The following PHYHIPL variants were observed in gnomAD, a reference collection of about 807,000 sequenced individuals.
PHYHIPL encodes the protein phytanoyl-CoA hydroxylase-interacting protein-like.
Under a neutral mutation model 33.4 loss-of-function variants are expected in PHYHIPL, and 9 were observed. That is an observed-to-expected ratio of 0.27 (90% CI 0.16 to 0.47). The LOEUF (loss-of-function observed/expected upper bound fraction) is 0.47, where lower values mean the gene tolerates loss of function less well. Ranked by LOEUF, PHYHIPL falls within the 20% of genes least tolerant of loss-of-function variation. PHYHIPL has a pLI of 0.99. For synonymous variants in PHYHIPL, 153 were observed against 154.1 expected (o/e 0.99, Z 0.05); for missense variants, 365 against 460.7 (o/e 0.79, Z 1.90).
At chr10:59,240,296 G>A (rs1487837372) in intron 4 of PHYHIPL, among the ~76,000 whole-genome samples, 2 of 152,114 alleles carry the variant, frequency 1.3e-5, no homozygotes, top group South Asian at 2.1e-4. Flanking sequence ...AGCAAGGAAG[G>A]TGTTTCTTTA....
intron 1 of PHYHIPL, among the ~76,000 whole-genome samples, chr10:59,187,564 G>C (rs1337949627): frequency 6.6e-6 from 1 of 152,166 alleles, no homozygotes; most frequent in Non-Finnish European, 1.5e-5. Context: ...TTGTACCTCT[G>C]GTAGAATTTG....
chr10:59,187,427 T>C (rs1838642085), intron 1 of PHYHIPL, among the ~76,000 whole-genome samples: 2 of 152,142 alleles, frequency 1.3e-5, no homozygotes, highest in South Asian at 2.1e-4. Flanking sequence ...TAAAATTCTC[T>C]TTTTTTGTTG....
chr10:59,197,861 T>C (rs1838963241), intron 1 of PHYHIPL, among the ~76,000 whole-genome samples: 1 of 152,184 alleles, frequency 6.6e-6, no homozygotes, highest in East Asian at 1.9e-4. Flanking sequence ...TTTATATTCA[T>C]TACTTTTTAT....
intron 1 of PHYHIPL, among the ~76,000 whole-genome samples, chr10:59,182,244 G>C (rs192198277): frequency 6.6e-6 from 1 of 152,090 alleles, no homozygotes; most frequent in Admixed American, 6.6e-5. Context: ...TTCCATTTCT[G>C]TTATATTGCT....
chr10:59,181,959 A>G (rs1838423212), intron 1 of PHYHIPL, among the ~76,000 whole-genome samples: 1 of 152,198 alleles, frequency 6.6e-6, no homozygotes, highest in Non-Finnish European at 1.5e-5. Flanking sequence ...TCTCTATAGA[A>G]TGCTATTTAG....
intron 1 of PHYHIPL, among the ~76,000 whole-genome samples, chr10:59,192,445 A>ATGTTGG (rs1243819026): frequency 6.6e-6 from 1 of 151,952 alleles, no homozygotes; most frequent in East Asian, 1.9e-4. Flanking sequence ...TTTCTAGGGG[A>ATGTTGG]TGTTGGTGTT....
chr10:59,238,772 C>A, intron 4 of PHYHIPL, 67 bp downstream of exon 4: 1 of 982,570 alleles, frequency 1.0e-6, no homozygotes, highest in Non-Finnish European at 1.5e-6. Flanking sequence ...GCTCAGGTTT[C>A]CCTTGACTCT....
At chr10:59,233,472 G>A (rs992802146) in intron 1 of PHYHIPL, among the ~76,000 whole-genome samples, 2 of 151,324 alleles carry the variant, frequency 1.3e-5, no homozygotes, top group African/African-American at 4.8e-5. Flanking sequence ...ATGTTGGCCT[G>A]GGGAAAGGGA....
Position 59,245,687 on chromosome 10 carries a change from G to T in PHYHIPL, c.*96G>T, listed in dbSNP as rs943177588. 7.7e-7 allele frequency: 1 copy of T among 1,298,858 alleles called. No homozygotes were observed. 80.5% of individuals were successfully genotyped at this position (1,298,858 alleles called of 1,614,324 possible). On this transcript the variant is annotated 3_prime_UTR_variant, in exon 5 of 5. Coordinates refer to ENST00000373880, the MANE Select transcript of PHYHIPL (RefSeq NM_032439.4). ...TTATCACCAGATGTTTTCCACTGAA[G>T]CATGCACATGCCACTGTCACCAAAA...
At chr10:59,198,385 A>T (rs190351356) in intron 1 of PHYHIPL, among the ~76,000 whole-genome samples, 1 of 152,080 alleles carries the variant, frequency 6.6e-6, no homozygotes, top group African/African-American at 2.4e-5. Context: ...ACATGAACTC[A>T]TCATTTTTTA....
chr10:59,188,525 A>C (rs7099149), intron 1 of PHYHIPL, among the ~76,000 whole-genome samples: 1 of 151,988 alleles, frequency 6.6e-6, no homozygotes, highest in African/African-American at 2.4e-5. Context: ...TATCCTTGTT[A>C]ACTTTCTGTC....
chr10:59,246,498 A>AT lies in PHYHIPL; in HGVS notation c.*908dup, dbSNP rs1840721319. 2.6e-6 allele frequency: 1 copy of AT among 389,454 alleles called. No individual in the cohort carries two copies. The highest frequency in any genetic ancestry group is 4.5e-6 in the Non-Finnish European group (1 of 220,202). 24.1% of individuals were successfully genotyped at this position (389,454 alleles called of 1,614,324 possible). A position where few individuals can be genotyped will look rare whatever the true frequency, so the allele number is the denominator to read the frequency against. On this transcript the variant is annotated 3_prime_UTR_variant, in exon 5 of 5. Transcript: ENST00000373880. Reference sequence around the variant, plus strand: ...TACTTAAACATTACAGAAAATAGAAATACAAACAAGGTTGGTACATGAGAG... The same window carrying AT: ...TACTTAAACATTACAGAAAATAGAAATTACAAACAAGGTTGGTACATGAGAG...
intron 1 of PHYHIPL, among the ~76,000 whole-genome samples, chr10:59,233,428 CA>C (rs1278870870): frequency 2.0e-5 from 3 of 151,638 alleles, no homozygotes; most frequent in Admixed American, 6.6e-5. Flanking sequence ...ATTTGAATAA[CA>C]TTTTTTTTTT....
In PHYHIPL at chr10:59,245,060, A is replaced by C; in HGVS notation, c.600A>C (p.Glu200Asp). ...GACCACTTGTTTTCTCTTGCAGAGA[A>C]CATCATGGGAATGCTATGCAGCCAT... ...QHKEYFDYVR[E>D]HHGNAMQPSV... The change falls in exon 5 of 5, where the codon GAA (glutamate) becomes GAC (aspartate). Residue 200 changes from glutamate to aspartate, a missense_variant. This residue lies in a region of PHYHIPL where 196 missense variants were observed against 224.9 expected (regional missense o/e 0.87). Coordinates refer to ENST00000373880, the MANE Select transcript of PHYHIPL (RefSeq NM_032439.4). 1 of 1,603,726 alleles carries C rather than the reference A, an allele frequency of 6.2e-7. No individual in the cohort carries two copies. Among genetic ancestry groups the C allele is most frequent in the Non-Finnish European group, 8.5e-7 (1 of 1,176,170 alleles).
chr10:59,236,760 AT>A, intron 3 of PHYHIPL, 103 bp downstream of exon 3: 1 of 1,026,442 alleles, frequency 9.7e-7, no homozygotes, highest in East Asian at 2.9e-5. Flanking sequence ...TATATGTGAC[AT>A]TGGTCATTTT....
intron 1 of PHYHIPL, among the ~76,000 whole-genome samples, chr10:59,222,600 T>C (rs1157642101): frequency 1.3e-5 from 2 of 152,124 alleles, no homozygotes; most frequent in East Asian, 3.9e-4. Context: ...AATTTAGAGA[T>C]TATTTATACT....
intron 1 of PHYHIPL, among the ~76,000 whole-genome samples, chr10:59,211,942 A>G (rs1336445742): frequency 1.3e-5 from 2 of 152,196 alleles, no homozygotes; most frequent in African/African-American, 2.4e-5. Context: ...TTGGAACTTA[A>G]TCCCCAATGT....
At chr10:59,195,257 C>T (rs1838881444) in intron 1 of PHYHIPL, among the ~76,000 whole-genome samples, 1 of 152,158 alleles carries the variant, frequency 6.6e-6, no homozygotes, top group South Asian at 2.1e-4. Flanking sequence ...GTCTTTCCTT[C>T]TCATCTTAGG....
At chr10:59,227,309 C>T (rs575656917) in intron 1 of PHYHIPL, among the ~76,000 whole-genome samples, 1 of 152,264 alleles carries the variant, frequency 6.6e-6, no homozygotes, top group East Asian at 1.9e-4. Flanking sequence ...GGCAAGCAAA[C>T]ATCCAAAGAA....
Sources: allele counts gnomAD v4.1 joint callset (sites outside exome capture counted in the v4.1 genomes callset), GRCh38; gene constraint gnomAD v4.1.1; regional missense constraint gnomAD v4.1.1; transcripts MANE v1.5; gene names NCBI Gene and HGNC (gene_info 2026-07-23, HGNC 2026-07-21).